Variants in CLOCK observed in about 807,000 individuals in gnomAD.
CLOCK encodes the protein clock circadian regulator.
Under a neutral mutation model 118.4 loss-of-function variants are expected in CLOCK, and 43 were observed. The ratio of observed to expected loss-of-function variants is 0.36; its 90% CI spans 0.28 to 0.47. The LOEUF (loss-of-function observed/expected upper bound fraction) is 0.47, where lower values mean the gene tolerates loss of function less well. Among genes scored for constraint, CLOCK ranks in the 20% least tolerant of loss-of-function variants. The probability of loss-of-function intolerance (pLI) is 1.00; values close to 1 mark genes in which losing one functional copy is unlikely to be tolerated. For synonymous variants in CLOCK, 326 were observed against 339.2 expected (o/e 0.96, Z 0.43); for missense variants, 846 against 999.9 (o/e 0.85, Z 2.08).
chr4:55,537,358 C>T (rs763010389), intron 1 of CLOCK, among the ~76,000 whole-genome samples: 1 of 152,108 alleles, frequency 6.6e-6, no homozygotes, highest in Non-Finnish European at 1.5e-5. Flanking sequence ...GTGGCTTACA[C>T]CTGTAATCCT....
chr4:55,542,913 C>CTT (rs1731376924), intron 1 of CLOCK, among the ~76,000 whole-genome samples: 1 of 152,094 alleles, frequency 6.6e-6, no homozygotes, highest in South Asian at 2.1e-4. Flanking sequence ...AACTTGGACT[C>CTT]TAAAGAGTCC....
At position 55,477,895 on chromosome 4, in the gene CLOCK, T is replaced by C. The variant is rs148737642; in HGVS notation, c.256+920A>G. 1.4e-3 allele frequency among the ~76,000 whole-genome samples: 210 copies of C among 152,162 alleles called. 1 individual carries two copies. Among genetic ancestry groups the C allele is most frequent in the Admixed American group, 2.9e-3 (45 of 15,284 alleles). On this transcript the variant is annotated intron_variant, in intron 6 of 22. Coordinates refer to ENST00000513440, the MANE Select transcript of CLOCK (RefSeq NM_004898.4). ...AGCCAAGGGAGGAGGGATAAAAATT[T>C]CCAGTGCTGTACAGATGCAGAAGAA...
chr4:55,527,502 C>A (rs1272662201), intron 1 of CLOCK, among the ~76,000 whole-genome samples: 1 of 151,936 alleles, frequency 6.6e-6, no homozygotes, highest in Non-Finnish European at 1.5e-5. Flanking sequence ...TCATTCCTCT[C>A]CCAAATAATA....
At chr4:55,532,263 C>T (rs774037113) in intron 1 of CLOCK, among the ~76,000 whole-genome samples, 2 of 152,120 alleles carry the variant, frequency 1.3e-5, no homozygotes, top group Admixed American at 6.6e-5. Flanking sequence ...AGGAGCAAGT[C>T]GAGGATGCCC....
chr4:55,546,584 C>G (rs1264242866), intron 1 of CLOCK, 198 bp downstream of exon 1: 1 of 152,062 alleles, frequency 6.6e-6, no homozygotes, highest in Non-Finnish European at 1.5e-5. Context: ...GGCGCCGCGG[C>G]TCCCACCTCC....
At chr4:55,448,586 GCGCGCGCA>G (rs750839676) in intron 18 of CLOCK, among the ~76,000 whole-genome samples, 185 bp downstream of exon 18, 58 of 74,652 alleles carry the variant, frequency 7.8e-4, no homozygotes, top group Non-Finnish European at 1.3e-3. Context: ...ATATATGTGC[GCGCGCGCA>G]CGCGCGCGTG....
chr4:55,541,629 T>C (rs935207055), intron 1 of CLOCK, among the ~76,000 whole-genome samples: 1 of 152,144 alleles, frequency 6.6e-6, no homozygotes, highest in Non-Finnish European at 1.5e-5. Flanking sequence ...AGGAAACAAT[T>C]TTCTTTTAAT....
intron 1 of CLOCK, among the ~76,000 whole-genome samples, chr4:55,515,942 T>TA (rs898932079): frequency 1.3e-5 from 2 of 151,536 alleles, no homozygotes; most frequent in African/African-American, 4.9e-5. Context: ...AAGATGAAAA[T>TA]AAAAATTTTT....
intron 4 of CLOCK, among the ~76,000 whole-genome samples, chr4:55,481,060 T>C (rs9997288): frequency 0.72 from 109,147 of 152,008 alleles, 39,773 homozygotes; most frequent in African/African-American, 0.83. Context: ...ATCAAGAGCA[T>C]TGGTGGCTAA....
chr4:55,469,914 C>T (rs988530638), intron 8 of CLOCK, among the ~76,000 whole-genome samples: 3 of 152,054 alleles, frequency 2.0e-5, no homozygotes, highest in Admixed American at 6.6e-5. Context: ...CACCATGTTG[C>T]CCAGGCTGGT....
chr4:55,435,632 C>T, intron 22 of CLOCK, 38 bp from the exon 23 acceptor site: 2 of 1,602,564 alleles, frequency 1.2e-6, no homozygotes, highest in East Asian at 2.2e-5. Flanking sequence ...TGCTTTACTC[C>T]CTTTATGGCA....
chr4:55,517,144 T>G (rs965839545), intron 1 of CLOCK, among the ~76,000 whole-genome samples: 2 of 152,224 alleles, frequency 1.3e-5, no homozygotes, highest in African/African-American at 4.8e-5. Flanking sequence ...GTTAATGTGG[T>G]GGATCACACT....
At chr4:55,517,893 A>C (rs1256391145) in intron 1 of CLOCK, among the ~76,000 whole-genome samples, 1 of 152,214 alleles carries the variant, frequency 6.6e-6, no homozygotes, top group African/African-American at 2.4e-5. Context: ...TACCCTTAAC[A>C]AAATTACAAA....
chr4:55,529,807 G>C (rs765088260), intron 1 of CLOCK, among the ~76,000 whole-genome samples: 3 of 152,196 alleles, frequency 2.0e-5, no homozygotes, highest in Non-Finnish European at 2.9e-5. Flanking sequence ...AGGAAGTCTG[G>C]TTCCATTGTC....
At chr4:55,478,425 G>A (rs1486017366) in intron 6 of CLOCK, among the ~76,000 whole-genome samples, 1 of 152,000 alleles carries the variant, frequency 6.6e-6, no homozygotes, top group Non-Finnish European at 1.5e-5. Flanking sequence ...TTCCCTTTGT[G>A]TGACATGCTG....
At chr4:55,455,416 G>GTTTA (rs1266602394) in intron 13 of CLOCK, among the ~76,000 whole-genome samples, 1 of 152,136 alleles carries the variant, frequency 6.6e-6, no homozygotes, top group Non-Finnish European at 1.5e-5. Flanking sequence ...GATGTAAAGT[G>GTTTA]TTTAGAACAG....
At chr4:55,532,296 A>C (rs1406531544) in intron 1 of CLOCK, among the ~76,000 whole-genome samples, 1 of 152,206 alleles carries the variant, frequency 6.6e-6, no homozygotes, top group Non-Finnish European at 1.5e-5. Flanking sequence ...TCTATTCAAC[A>C]CAGTACCAGA....
intron 2 of CLOCK, among the ~76,000 whole-genome samples, chr4:55,491,023 C>T (rs1208952658): frequency 6.6e-6 from 1 of 151,898 alleles, no homozygotes; most frequent in African/African-American, 2.4e-5. Context: ...AGAAGGAAAA[C>T]TAGAAAATTC....
chr4:55,502,766 A>T (rs183783603), intron 2 of CLOCK, among the ~76,000 whole-genome samples: 3 of 152,216 alleles, frequency 2.0e-5, no homozygotes, highest in Non-Finnish European at 4.4e-5. Flanking sequence ...GATATCTTCA[A>T]TACAACTGAA....
Sources: gnomAD v4.1 joint callset for allele counts (sites outside exome capture counted in the v4.1 genomes callset) on GRCh38, gnomAD v4.1.1 for gene constraint, MANE v1.5 for transcripts, NCBI Gene and HGNC (gene_info 2026-07-23, HGNC 2026-07-21) for gene names.